Variants in RBFOX1 observed in about 807,000 individuals in gnomAD.
RBFOX1 encodes RNA binding fox-1 homolog 1.
In RBFOX1, 8 loss-of-function variants were observed where a neutral mutation model predicts 57.7. The ratio of observed to expected loss-of-function variants is 0.14; its 90% CI spans 0.08 to 0.25. The LOEUF (loss-of-function observed/expected upper bound fraction) is 0.25, where lower values mean the gene tolerates loss of function less well. Among genes scored for constraint, RBFOX1 ranks in the 10% least tolerant of loss-of-function variants. The pLI, the probability that RBFOX1 is intolerant of heterozygous loss-of-function variation, is 1.00. For missense variants in RBFOX1, 611 were observed against 548.5 expected (o/e 1.11, Z -1.14); for synonymous variants, 326 against 222.4 (o/e 1.47, Z -4.15).
chr16:6,388,394 G>C (rs1374861813), intron 2 of RBFOX1, among the ~76,000 whole-genome samples: 1 of 152,148 alleles, frequency 6.6e-6, no homozygotes, highest in African/African-American at 2.4e-5. Flanking sequence ...AAGAAGAGCA[G>C]AAAGAAAGAA....
intron 1 of RBFOX1, among the ~76,000 whole-genome samples, chr16:6,253,955 C>G (rs904044933): frequency 7.9e-5 from 12 of 152,186 alleles, no homozygotes; most frequent in Non-Finnish European, 1.3e-4. Context: ...TTCACCTCAA[C>G]TCAAGTAGGA....
chr16:6,018,925 T>TCCG (rs2095018820), upstream of RBFOX1, among the ~76,000 whole-genome samples: 1 of 151,726 alleles, frequency 6.6e-6, no homozygotes, highest in South Asian at 2.1e-4. Context: ...GGGTCGCGTG[T>TCCG]CCGCCGCCGC....
intron 3 of RBFOX1, among the ~76,000 whole-genome samples, chr16:6,933,779 TTCCAAACTAGTGTTCATTTTCTATATCC>T (rs2153479863): frequency 6.6e-6 from 1 of 152,318 alleles, no homozygotes; most frequent in Admixed American, 6.5e-5. Context: ...TCAGAACATT[TTCCAAACTAGTGTTCATTTTCTATATCC>T]AAAATTTTCA....
intron 3 of RBFOX1, among the ~76,000 whole-genome samples, chr16:6,655,972 A>C (rs1045899540): frequency 6.6e-5 from 10 of 152,342 alleles, no homozygotes; most frequent in Admixed American, 4.6e-4. Flanking sequence ...CATTGGGAAG[A>C]ATAATGATAC....
At chr16:6,893,304 A>T (rs2065961284) in intron 3 of RBFOX1, among the ~76,000 whole-genome samples, 1 of 152,198 alleles carries the variant, frequency 6.6e-6, no homozygotes, top group African/African-American at 2.4e-5. Flanking sequence ...GGAGTCGGGA[A>T]AGAAAGCCCC....
chr16:7,270,846 ACTTTT>A (rs2095302173), intron 4 of RBFOX1, among the ~76,000 whole-genome samples: 1 of 151,990 alleles, frequency 6.6e-6, no homozygotes, highest in Non-Finnish European at 1.5e-5. Context: ...ACTCTCTAAA[ACTTTT>A]CTTTTTGATA....
At chr16:7,132,185 C>G (rs1485067761) in intron 4 of RBFOX1, among the ~76,000 whole-genome samples, 1 of 151,880 alleles carries the variant, frequency 6.6e-6, no homozygotes, top group East Asian at 1.9e-4. Flanking sequence ...TTTCCCATGT[C>G]AGCCAGGCTG....
rs551538132 is a variant in RBFOX1 at position 6,767,856 on chromosome 16, G to C, written c.-16+113206G>C. Among the ~76,000 whole-genome samples the C allele has an allele frequency of 2.0e-5, 3 of 151,496 alleles. No individual in the cohort carries two copies. In the South Asian group the frequency reaches 6.3e-4, roughly 32 times the overall value. ...TTGAACCCGGGAGGTGGAGGTTGCAGTGAGCCGAGATCGCGCCATTGCACT... is the reference window on the plus strand; with the variant it reads ...TTGAACCCGGGAGGTGGAGGTTGCACTGAGCCGAGATCGCGCCATTGCACT... On this transcript the variant is annotated intron_variant, in intron 3 of 15. Transcript: ENST00000550418.
At chr16:7,052,025 G>C (rs758617569) in intron 3 of RBFOX1, 32 bp from the exon 4 acceptor site, 6 of 1,562,906 alleles carry the variant, frequency 3.8e-6, no homozygotes, top group Non-Finnish European at 5.2e-6. Context: ...GGAGCCTTCT[G>C]ACTTTTCCCC....
At chr16:7,633,439 C>A (rs1397847520) in intron 11 of RBFOX1, among the ~76,000 whole-genome samples, 1 of 152,060 alleles carries the variant, frequency 6.6e-6, no homozygotes, top group Non-Finnish European at 1.5e-5. Context: ...GTTAATGAAC[C>A]CATAGTATTG....
chr16:7,009,963 T>C (rs1412110467), intron 3 of RBFOX1, among the ~76,000 whole-genome samples: 1 of 152,138 alleles, frequency 6.6e-6, no homozygotes, highest in Non-Finnish European at 1.5e-5. Flanking sequence ...GGTCCAAAGC[T>C]ATATTGGGAG....
At chr16:7,692,185 A>T (rs920650097) in intron 14 of RBFOX1, among the ~76,000 whole-genome samples, 1 of 152,316 alleles carries the variant, frequency 6.6e-6, no homozygotes, top group South Asian at 2.1e-4. Context: ...TGATAAACTT[A>T]GTTGTGACTT....
At chr16:5,841,787 T>G (rs957442658) in intron 3 of RBFOX1, among the ~76,000 whole-genome samples, 20 of 152,338 alleles carry the variant, frequency 1.3e-4, no homozygotes, top group Admixed American at 1.0e-3. Flanking sequence ...CCAGTTCTCA[T>G]TTCAGCATCG....
At chr16:6,523,526 T>G (rs979716978) in intron 2 of RBFOX1, among the ~76,000 whole-genome samples, 9 of 152,202 alleles carry the variant, frequency 5.9e-5, no homozygotes, top group African/African-American at 2.2e-4. Context: ...CACCCTATGC[T>G]AACTGGATGA....
intron 3 of RBFOX1, among the ~76,000 whole-genome samples, chr16:5,853,226 A>G (rs1371208150): frequency 2.0e-5 from 3 of 152,224 alleles, no homozygotes; most frequent in Admixed American, 2.0e-4. Flanking sequence ...GCCAGGTAGC[A>G]TTTGATATCC....
In RBFOX1 at chr16:5,998,993, G is replaced by C. The variant is rs142458968; in HGVS notation, c.351+131658G>C. On this transcript the variant is annotated intron_variant, in intron 4 of 19. Transcript: ENST00000641259. Reference sequence around the variant, plus strand: ...CCAAAAAAATCTATGTGGATGAACTGTTATGGGAAACATTTATCCTGAATC... The same window carrying C: ...CCAAAAAAATCTATGTGGATGAACTCTTATGGGAAACATTTATCCTGAATC... Among the ~76,000 whole-genome samples the C allele has an allele frequency of 6.6e-5, 10 of 152,266 alleles. 1 individual carries two copies. The East Asian group carries it at 1.9e-3, about 29-fold the overall frequency.
chr16:5,941,698 G>A (rs994683274), intron 4 of RBFOX1, among the ~76,000 whole-genome samples: 2 of 151,346 alleles, frequency 1.3e-5, no homozygotes, highest in East Asian at 2.0e-4. Flanking sequence ...AAATGAACTA[G>A]CCAGGAATTA....
intron 1 of RBFOX1, among the ~76,000 whole-genome samples, chr16:6,289,691 G>C (rs1773739986): frequency 6.6e-6 from 1 of 152,094 alleles, no homozygotes; most frequent in Non-Finnish European, 1.5e-5. Flanking sequence ...TTGAGCAATA[G>C]GAATTATAAA....
chr16:6,970,149 G>C (rs945969180), intron 3 of RBFOX1, among the ~76,000 whole-genome samples: 1 of 151,670 alleles, frequency 6.6e-6, no homozygotes, highest in African/African-American at 2.4e-5. Flanking sequence ...CTGCATTCCA[G>C]CCTGGGCAAC....
Sources: allele counts gnomAD v4.1 joint callset (sites outside exome capture counted in the v4.1 genomes callset), GRCh38; gene constraint gnomAD v4.1.1; transcripts MANE v1.5; gene names NCBI Gene and HGNC (gene_info 2026-07-23, HGNC 2026-07-21).